Variants in LIN7A observed in about 807,000 individuals in gnomAD.
LIN7A encodes protein lin-7 homolog A.
In LIN7A, 25 loss-of-function variants were observed where a neutral mutation model predicts 29.8. That is an observed-to-expected ratio of 0.84 (90% confidence interval 0.61 to 1.17). LIN7A has a LOEUF of 1.17. Ranked by LOEUF, LIN7A falls within the 50% of genes most tolerant of loss-of-function variation. The pLI is 0.00. For missense variants in LIN7A, 239 were observed against 287.0 expected (o/e 0.83, Z 1.21); for synonymous variants, 118 against 107.5 (o/e 1.10, Z -0.60).
At chr12:80,832,106 G>A (rs1363854907) in intron 4 of LIN7A, among the ~76,000 whole-genome samples, 1 of 152,126 alleles carries the variant, frequency 6.6e-6, no homozygotes, top group Non-Finnish European at 1.5e-5. Flanking sequence ...GTGAGGCTTT[G>A]GCATATTTCT....
chr12:80,937,021 G>A (rs1878266967), intron 1 of LIN7A: 1 of 152,220 alleles, frequency 6.6e-6, no homozygotes, highest in Admixed American at 6.5e-5. Flanking sequence ...CGGCTGCTGG[G>A]GCTCGGCTCC....
intron 1 of LIN7A, among the ~76,000 whole-genome samples, chr12:80,907,721 A>G (rs781135842): frequency 2.0e-5 from 3 of 152,126 alleles, no homozygotes; most frequent in Non-Finnish European, 2.9e-5. Context: ...GATTCCATAG[A>G]GTGTTACACC....
chr12:80,864,708 T>A (rs530010869), intron 2 of LIN7A, among the ~76,000 whole-genome samples: 155 of 152,314 alleles, frequency 1.0e-3, no homozygotes, highest in African/African-American at 3.5e-3. Context: ...GAAAAAGGCA[T>A]CAAAACGCAA....
At chr12:80,917,164 T>C (rs563429655) in intron 1 of LIN7A, among the ~76,000 whole-genome samples, 56 of 152,270 alleles carry the variant, frequency 3.7e-4, no homozygotes, top group African/African-American at 1.3e-3. Flanking sequence ...AAAGCATTTC[T>C]GGGCAAGGCA....
At chr12:80,842,979 TG>T (rs58547601) in intron 4 of LIN7A, among the ~76,000 whole-genome samples, 59,769 of 151,850 alleles carry the variant, frequency 0.39, 11,904 homozygotes, top group Non-Finnish European at 0.41. Context: ...AGCATTAGAT[TG>T]GAAAGATAAT....
In LIN7A at chr12:80,805,886, T is replaced by C. The variant is rs545987889; in HGVS notation, c.*5579A>G. On this transcript the variant is annotated intron_variant, in intron 5 of 5. Coordinates refer to ENST00000552864, the MANE Select transcript of LIN7A (RefSeq NM_004664.4). ...TATCAGGGGTTTCTGCTTGTGTTTA[T>C]TCCTCATTTTTCTCTTGCTGAGACC... is the stretch of plus-strand genomic sequence containing the variant. Among the ~76,000 whole-genome samples the C allele has an allele frequency of 3.3e-5, 5 of 151,856 alleles. No homozygotes were observed. In the East Asian group the frequency reaches 7.8e-4, roughly 24 times the overall value.
At chr12:80,837,321 G>A (rs1872626047) in intron 4 of LIN7A, among the ~76,000 whole-genome samples, 1 of 152,012 alleles carries the variant, frequency 6.6e-6, no homozygotes, top group Admixed American at 6.5e-5. Flanking sequence ...GGTCTTTTCA[G>A]ATACAATTAG....
At chr12:80,859,576 T>G (rs190853515) in intron 2 of LIN7A, among the ~76,000 whole-genome samples, 70 of 152,302 alleles carry the variant, frequency 4.6e-4, no homozygotes, top group African/African-American at 1.7e-3. Context: ...TCTATTTATG[T>G]CATTTATAAG....
chr12:80,906,583 C>T (rs527658751), intron 1 of LIN7A, among the ~76,000 whole-genome samples: 1 of 152,066 alleles, frequency 6.6e-6, no homozygotes, highest in South Asian at 2.1e-4. Context: ...TGTCTGGCTC[C>T]TGTCTAATCA....
At chr12:80,904,297 T>C (rs983205395) in intron 1 of LIN7A, among the ~76,000 whole-genome samples, 1 of 152,196 alleles carries the variant, frequency 6.6e-6, no homozygotes, top group African/African-American at 2.4e-5. Flanking sequence ...ATGCTAGTCA[T>C]GTTTTTATGG....
chr12:80,837,891 T>C (rs543782705), intron 4 of LIN7A, among the ~76,000 whole-genome samples: 21 of 151,882 alleles, frequency 1.4e-4, no homozygotes, highest in Non-Finnish European at 2.6e-4. Context: ...TTCTACCAGA[T>C]TATAACCCTT....
chr12:80,831,785 G>C (rs1055331367), intron 4 of LIN7A, among the ~76,000 whole-genome samples: 1 of 152,208 alleles, frequency 6.6e-6, no homozygotes. Flanking sequence ...GTAATTAGCT[G>C]TGTCTAAATT....
At chr12:80,874,950 G>A (rs1194653098) in intron 2 of LIN7A, among the ~76,000 whole-genome samples, 1 of 152,204 alleles carries the variant, frequency 6.6e-6, no homozygotes, top group Non-Finnish European at 1.5e-5. Context: ...GCAGTGAGCC[G>A]AGATGGCGCC....
intron 2 of LIN7A, among the ~76,000 whole-genome samples, chr12:80,868,137 A>G (rs1874234409): frequency 6.6e-6 from 1 of 152,208 alleles, no homozygotes; most frequent in African/African-American, 2.4e-5. Flanking sequence ...ATAATGTTTA[A>G]GTTGCCTCCC....
intron 1 of LIN7A, among the ~76,000 whole-genome samples, chr12:80,920,902 T>C (rs1361044556): frequency 6.6e-6 from 1 of 152,196 alleles, no homozygotes; most frequent in Non-Finnish European, 1.5e-5. Context: ...TATCTAGTTC[T>C]AATATCCATG....
intron 2 of LIN7A, among the ~76,000 whole-genome samples, chr12:80,860,558 G>A (rs985525188): frequency 4.8e-4 from 73 of 152,282 alleles, no homozygotes; most frequent in African/African-American, 1.7e-3. Flanking sequence ...AGTCTTTACA[G>A]CCCTCAAGAG....
chr12:80,808,132 C>T (rs1308270442), intron 5 of LIN7A, among the ~76,000 whole-genome samples: 1 of 152,210 alleles, frequency 6.6e-6, no homozygotes, highest in Non-Finnish European at 1.5e-5. Flanking sequence ...TTCTGTTCCT[C>T]AAACATGCCT....
rs370465323 is a variant in LIN7A, at chr12:80,854,485, C to CAAAAAA, written c.202-6164_202-6163insTTTTTT. ...TGAATCTGAAATGCATGTTGCTAAG[C>CAAAAAA]CAAAAAAAAAAAAAAAAAAAAAAGC... is the stretch of plus-strand genomic sequence containing the variant. On this transcript the variant is annotated intron_variant, in intron 2 of 5. Transcript: ENST00000552864. Among the ~76,000 whole-genome samples, 191 of 36,898 alleles carry CAAAAAA rather than the reference C, an allele frequency of 5.2e-3. 27 individuals are homozygous for CAAAAAA. Among genetic ancestry groups the CAAAAAA allele is most frequent in the East Asian group, 0.01 (8 of 782 alleles). 24.2% of individuals were successfully genotyped at this position (36,898 alleles called of 152,430 possible). A position where few individuals can be genotyped will look rare whatever the true frequency, so the allele number is the denominator to read the frequency against.
chr12:80,842,784 T>C (rs1327715782), intron 4 of LIN7A, among the ~76,000 whole-genome samples: 1 of 152,156 alleles, frequency 6.6e-6, no homozygotes, highest in Non-Finnish European at 1.5e-5. Context: ...GTCTCTTATT[T>C]ACAGAAAACT....
Sources: gnomAD v4.1 joint callset for allele counts (sites outside exome capture counted in the v4.1 genomes callset) on GRCh38, gnomAD v4.1.1 for gene constraint, MANE v1.5 for transcripts, NCBI Gene and HGNC (gene_info 2026-07-23, HGNC 2026-07-21) for gene names.